Variants in GRIN3A observed in about 807,000 individuals in gnomAD.
GRIN3A encodes glutamate receptor ionotropic, NMDA 3A.
In GRIN3A, 47 loss-of-function variants were observed where a neutral mutation model predicts 92.4. That is an observed-to-expected ratio of 0.51 (90% CI 0.40 to 0.65). The LOEUF is 0.65. GRIN3A is among the 30% of genes least tolerant of loss of function. GRIN3A has a pLI of 0.00. For missense variants in GRIN3A, 1,324 were observed against 1,393.1 expected (o/e 0.95, Z 0.79); for synonymous variants, 527 against 540.6 (o/e 0.97, Z 0.35).
chr9:101,698,580 A>G (rs543815528), intron 1 of GRIN3A, among the ~76,000 whole-genome samples: 2 of 152,350 alleles, frequency 1.3e-5, no homozygotes, highest in South Asian at 4.1e-4. Context: ...CTTGAACAGC[A>G]TGTTACTATG....
At chr9:101,680,054 T>C (rs533764186) in intron 2 of GRIN3A, among the ~76,000 whole-genome samples, 1 of 152,330 alleles carries the variant, frequency 6.6e-6, no homozygotes, top group Admixed American at 6.5e-5. Flanking sequence ...TAAACTGGTT[T>C]AAATCTTCCC....
At chr9:101,599,781 T>C (rs1828187226) in intron 6 of GRIN3A, among the ~76,000 whole-genome samples, 1 of 152,150 alleles carries the variant, frequency 6.6e-6, no homozygotes, top group African/African-American at 2.4e-5. Context: ...GCTTCATTTT[T>C]CAAGCCAGTC....
intron 3 of GRIN3A, among the ~76,000 whole-genome samples, chr9:101,635,528 C>T (rs910817333): frequency 6.6e-6 from 1 of 152,190 alleles, no homozygotes; most frequent in Non-Finnish European, 1.5e-5. Flanking sequence ...ATTTTTCTCT[C>T]TATTCTAAAA....
At chr9:101,716,297 G>GTGAGGGAACAGAAGCC (rs1211009289) in intron 1 of GRIN3A, among the ~76,000 whole-genome samples, 1 of 152,110 alleles carries the variant, frequency 6.6e-6, no homozygotes, top group African/African-American at 2.4e-5. Context: ...GAATTTTAGT[G>GTGAGGGAACAGAAGCC]TGAGGGAACA....
At chr9:101,625,059 A>G (rs1828612923) in intron 4 of GRIN3A, among the ~76,000 whole-genome samples, 1 of 152,126 alleles carries the variant, frequency 6.6e-6, no homozygotes, top group African/African-American at 2.4e-5. Flanking sequence ...TTTGTGCACT[A>G]TATTATCTCC....
chr9:101,732,534 C>T (rs10512288), intron 1 of GRIN3A, among the ~76,000 whole-genome samples: 17,177 of 152,048 alleles, frequency 0.11, 1,828 homozygotes, highest in African/African-American at 0.28. Flanking sequence ...AGTGTGCAAC[C>T]TACTTAGGAA....
chr9:101,591,553 A>C (rs1165491636), intron 6 of GRIN3A: 1 of 152,182 alleles, frequency 6.6e-6, no homozygotes, highest in East Asian at 1.9e-4. Flanking sequence ...CCAGACTCAC[A>C]GTGTTGTTAT....
At chr9:101,671,481 C>T (rs1239565806) in intron 2 of GRIN3A, among the ~76,000 whole-genome samples, 1 of 152,134 alleles carries the variant, frequency 6.6e-6, no homozygotes, top group African/African-American at 2.4e-5. Flanking sequence ...TTTAACATAT[C>T]CTATTTCTAT....
rs770713126 is a variant in GRIN3A, at chr9:101,573,480, C to A, written c.3042G>T (p.Trp1014Cys). 73 of 1,613,852 alleles carry A rather than the reference C, an allele frequency of 4.5e-5. No individual in the cohort carries two copies. Among genetic ancestry groups the A allele is most frequent in the Middle Eastern group, 1.6e-4 (1 of 6,080 alleles). The change falls in exon 9 of 9, where the codon TGG (tryptophan) becomes TGT (cysteine). Residue 1014 changes from tryptophan to cysteine, a missense_variant. By Grantham distance (215) the Trp-to-Cys change is radical (BLOSUM62 -2). Coordinates refer to ENST00000361820, the MANE Select transcript of GRIN3A (RefSeq NM_133445.3). ...TGTCATGACTCAGATTGGAAGTATT[C>A]CATACGGTAAGCTGACGGGGTCCCA... is the stretch of plus-strand genomic sequence containing the variant. ...SNVGPRQLTV[W>C]NTSNLSHDNR...
At chr9:101,711,539 A>G (rs557024495) in intron 1 of GRIN3A, among the ~76,000 whole-genome samples, 72 of 152,298 alleles carry the variant, frequency 4.7e-4, no homozygotes, top group Non-Finnish European at 9.1e-4. Flanking sequence ...AGAGGCCACT[A>G]GGGGGAGACT....
At chr9:101,608,412 T>C (rs903330656) in intron 6 of GRIN3A, among the ~76,000 whole-genome samples, 2 of 152,220 alleles carry the variant, frequency 1.3e-5, no homozygotes, top group Non-Finnish European at 2.9e-5. Context: ...ATTTGGCCTG[T>C]TAAAAACTGC....
chr9:101,694,733 A>G lies in GRIN3A; in HGVS notation c.700-7533T>C, dbSNP rs560544102. ...ACTTGGGAATGAGAGAGCTTTGATC[A>G]AAGGGCATGGCTACAGAAGATATTT... On this transcript the variant is annotated intron_variant, in intron 1 of 8. Transcript: ENST00000361820. 2.6e-4 allele frequency among the ~76,000 whole-genome samples: 39 copies of G among 152,320 alleles called. 1 individual carries two copies. Among genetic ancestry groups the G allele is most frequent in the Admixed American group, 6.5e-4 (10 of 15,298 alleles).
intron 1 of GRIN3A, among the ~76,000 whole-genome samples, chr9:101,732,084 A>G (rs1227654189): frequency 1.3e-5 from 2 of 152,230 alleles, no homozygotes; most frequent in Non-Finnish European, 2.9e-5. Flanking sequence ...CTCTATATTT[A>G]CTGTTGCCAC....
At chr9:101,628,696 A>C (rs1042739902) in intron 3 of GRIN3A, among the ~76,000 whole-genome samples, 1 of 152,202 alleles carries the variant, frequency 6.6e-6, no homozygotes, top group African/African-American at 2.4e-5. Context: ...TGGCATGTAG[A>C]ATTAGTCTCA....
intron 5 of GRIN3A, among the ~76,000 whole-genome samples, chr9:101,616,564 G>GT (rs891055358): frequency 2.0e-5 from 3 of 151,784 alleles, no homozygotes; most frequent in African/African-American, 4.8e-5. Context: ...TTAAAACTCA[G>GT]TTTTTTATGC....
intron 3 of GRIN3A, among the ~76,000 whole-genome samples, chr9:101,643,900 A>G (rs756276639): frequency 6.6e-6 from 1 of 151,618 alleles, no homozygotes; most frequent in East Asian, 1.9e-4. Flanking sequence ...GACTGTGGAG[A>G]GGATGGCGGG....
chr9:101,577,514 T>C (rs556763995), intron 8 of GRIN3A, among the ~76,000 whole-genome samples: 256 of 152,324 alleles, frequency 1.7e-3, no homozygotes, highest in African/African-American at 5.6e-3. Flanking sequence ...GTAACACATA[T>C]CATAAGTCTT....
intron 3 of GRIN3A, among the ~76,000 whole-genome samples, chr9:101,638,656 T>C (rs1218121882): frequency 6.6e-6 from 1 of 152,234 alleles, no homozygotes; most frequent in Non-Finnish European, 1.5e-5. Flanking sequence ...CCAGGCACTG[T>C]TGAATGGTTT....
chr9:101,692,724 C>A (rs956846888), intron 1 of GRIN3A, among the ~76,000 whole-genome samples: 1 of 152,202 alleles, frequency 6.6e-6, no homozygotes, highest in Non-Finnish European at 1.5e-5. Flanking sequence ...CGCTTCTCCT[C>A]AGCCAAAGAG....
Sources: allele counts gnomAD v4.1 joint callset (sites outside exome capture counted in the v4.1 genomes callset), GRCh38; gene constraint gnomAD v4.1.1; transcripts MANE v1.5; gene names NCBI Gene and HGNC (gene_info 2026-07-23, HGNC 2026-07-21).